HMCN2: variants seen among roughly 807,000 people sequenced by gnomAD.
HMCN2 encodes the protein hemicentin-2.
HMCN2 carries 325 observed loss-of-function variants against 377.5 expected under a neutral mutation model. The ratio of observed to expected loss-of-function variants is 0.86; its 90% CI spans 0.79 to 0.94. The LOEUF (loss-of-function observed/expected upper bound fraction) is 0.94. HMCN2 is among the 40% of genes least tolerant of loss of function. HMCN2 has a pLI of 0.00. For missense variants in HMCN2, 4,543 were observed against 4,725.3 expected (o/e 0.96, Z 1.13); for synonymous variants, 2,007 against 2,046.8 (o/e 0.98, Z 0.53).
chr9:130,376,692 C>G (rs908173706), intron 52 of HMCN2, 34 bp downstream of exon 52: 3 of 985,302 alleles, frequency 3.0e-6, no homozygotes, highest in African/African-American at 3.5e-5. Context: ...GCTTCTGGCT[C>G]TCACCTCTGC....
intron 95 of HMCN2, 116 bp downstream of exon 95, chr9:130,430,720 G>A (rs1389533681): frequency 2.5e-5 from 24 of 979,202 alleles, no homozygotes; most frequent in Non-Finnish European, 3.4e-5. Context: ...CCAGGCAAGT[G>A]GGGTGAGTGG....
chr9:130,293,305 T>C (rs1403267538), intron 4 of HMCN2, among the ~76,000 whole-genome samples: 2 of 130,300 alleles, frequency 1.5e-5, no homozygotes, highest in African/African-American at 5.4e-5. Context: ...TTTTTTGCGG[T>C]TCTTGTTGTC....
Position 130,303,566 on chromosome 9 carries a change from A to T in HMCN2, c.1501A>T (p.Arg501Trp). The T allele has an allele frequency of 2.6e-6, 1 of 387,738 alleles. No homozygotes were observed. Among genetic ancestry groups the T allele is most frequent in the Non-Finnish European group, 5.5e-6 (1 of 182,070 alleles). 24.0% of individuals were successfully genotyped at this position (387,738 alleles called of 1,614,324 possible). A position where few individuals can be genotyped will look rare whatever the true frequency, so the allele number is the denominator to read the frequency against. ...CACGTACGAGTGCACAGCCGTCAGCAGGGCTGGGACCGGGCGAGCAAAGGC... is the reference window on the plus strand; with the variant it reads ...CACGTACGAGTGCACAGCCGTCAGCTGGGCTGGGACCGGGCGAGCAAAGGC... ...EGTYECTAVS[R>W]AGTGRAKAQI... is the part of the protein sequence containing the mutation. Residue 501 changes from arginine to tryptophan, a missense_variant, in exon 10 of 98, where the codon AGG becomes TGG. Arg to Trp is a moderately radical substitution (Grantham distance 101). Transcript: ENST00000683500. This position sits in a 1 kb window ranked among gnomAD's most constrained non-coding sequence, Gnocchi z 5.2.
rs1240337819 is a variant in HMCN2 at position 130,425,010 on chromosome 9, G to A, written c.13521G>A (p.Gly4507=). The change falls in exon 89 of 98, where the codon GGG becomes GGA. Residue 4507 remains glycine (G), a splice_region_variant and synonymous_variant. Coordinates refer to ENST00000683500, the MANE Select transcript of HMCN2 (RefSeq NM_001291815.2). ...GGGCTGGGTGGGGATGGTTTGCAGGGGAGCTGCTCACGATGACCCAGGTGG... is the reference window on the plus strand; with the variant it reads ...GGGCTGGGTGGGGATGGTTTGCAGGAGAGCTGCTCACGATGACCCAGGTGG... The part of the protein sequence containing the change: ...RQESHVEFAT[G]ELLTMTQVAR... The A allele has an allele frequency of 1.3e-6, 2 of 1,544,286 alleles. No homozygotes were observed. Among genetic ancestry groups the A allele is most frequent in the South Asian group, 1.2e-5 (1 of 82,872 alleles).
chr9:130,381,957 G>C (rs1841744322), intron 54 of HMCN2, among the ~76,000 whole-genome samples: 1 of 152,202 alleles, frequency 6.6e-6, no homozygotes, highest in South Asian at 2.1e-4. Context: ...TGTGGGACAG[G>C]CCGAGAATGT....
At chr9:130,427,863 T>G (rs1844480680) in intron 92 of HMCN2, among the ~76,000 whole-genome samples, 1 of 152,144 alleles carries the variant, frequency 6.6e-6, no homozygotes, top group Non-Finnish European at 1.5e-5. Flanking sequence ...CCCAGAGACA[T>G]ATGGGCGGCT....
chr9:130,333,600 C>T (rs1038529686), intron 22 of HMCN2, among the ~76,000 whole-genome samples: 26 of 152,328 alleles, frequency 1.7e-4, no homozygotes, highest in African/African-American at 5.5e-4. Context: ...AAGTCTGCCC[C>T]GCTCATCACA....
chr9:130,300,204 C>T (rs1187575067), intron 8 of HMCN2, among the ~76,000 whole-genome samples: 2 of 152,036 alleles, frequency 1.3e-5, no homozygotes, highest in Non-Finnish European at 2.9e-5. Flanking sequence ...TCCATCTACC[C>T]ACCCATTCAC....
At chr9:130,427,646 G>A in intron 92 of HMCN2, 27 bp downstream of exon 92, 3 of 1,543,024 alleles carry the variant, frequency 1.9e-6, no homozygotes, top group Non-Finnish European at 2.6e-6. Flanking sequence ...GAGGAGGGAG[G>A]AGACGCGCTC....
chr9:130,370,919 C>T (rs1053059466), intron 45 of HMCN2, 45 bp from the exon 46 acceptor site: 48 of 980,650 alleles, frequency 4.9e-5, no homozygotes, highest in Non-Finnish European at 5.8e-5. Flanking sequence ...ATGAAGCACA[C>T]AGCCCATATC....
intron 36 of HMCN2, among the ~76,000 whole-genome samples, chr9:130,358,973 T>C (rs908913014): frequency 6.6e-6 from 1 of 152,192 alleles, no homozygotes; most frequent in African/African-American, 2.4e-5. Context: ...GGTGGGATTT[T>C]TAGTGGAAGA....
At chr9:130,283,682 T>A (rs144895123) in intron 1 of HMCN2, among the ~76,000 whole-genome samples, 1 of 152,192 alleles carries the variant, frequency 6.6e-6, no homozygotes, top group African/African-American at 2.4e-5. Context: ...AACCATACTG[T>A]GTGTGCTGTT....
chr9:130,379,174 G>T (rs1033822796), intron 53 of HMCN2, 75 bp from the exon 54 acceptor site: 5 of 428,648 alleles, frequency 1.2e-5, no homozygotes, highest in Non-Finnish European at 1.6e-5. Context: ...AGGCTGGGAC[G>T]AGAATCTCCG....
In HMCN2 at chr9:130,303,074, G is replaced by C. The variant is rs1203125484; in HGVS notation, c.1421+73G>C. 2.8e-5 allele frequency: 11 copies of C among 389,600 alleles called. No individual in the cohort carries two copies. Among genetic ancestry groups the C allele is most frequent in the Non-Finnish European group, 2.2e-5 (4 of 184,310 alleles). The allele number at this position is 389,600 out of a possible 1,614,324, so 24.1% of individuals were successfully genotyped here. A position where few individuals can be genotyped will look rare whatever the true frequency, so the allele number is the denominator to read the frequency against. ...CTGCTGAGGCCCTGGAGGGATCTCAGGGGAGTGGGTGGCAGGAGAGAGACC... is the reference window on the plus strand; with the variant it reads ...CTGCTGAGGCCCTGGAGGGATCTCACGGGAGTGGGTGGCAGGAGAGAGACC... On this transcript the variant is annotated intron_variant, in intron 9 of 97. Transcript: ENST00000683500. The surrounding 1 kb of genome is among the most constrained non-coding windows in gnomAD (Gnocchi z 5.2).
rs554934807 is a variant in HMCN2 at position 130,357,908 on chromosome 9, A to G, written c.5500A>G (p.Ile1834Val). 1.1e-5 allele frequency: 14 copies of G among 1,304,198 alleles called. No homozygotes were observed. Among genetic ancestry groups the G allele is most frequent in the Non-Finnish European group, 1.3e-5 (13 of 988,912 alleles). 80.8% of individuals were successfully genotyped at this position (1,304,198 alleles called of 1,614,324 possible). The change falls in exon 35 of 98, where the codon ATA becomes GTA. Residue 1834 changes from isoleucine to valine, a missense_variant. By Grantham distance (29) the Ile-to-Val change is conservative. This residue lies in a region of HMCN2 where 1,032 missense variants were observed against 1,285.1 expected (regional missense o/e 0.80). Coordinates refer to ENST00000683500, the MANE Select transcript of HMCN2 (RefSeq NM_001291815.2). ...CCTGCAGCCTGTGACCCTCCAGTGC[A>G]TAGGGGATGGGGTGCCCACCCCAAG... is the stretch of plus-strand genomic sequence containing the variant. ...PFLQPVTLQC[I>V]GDGVPTPSLR...
intron 4 of HMCN2, among the ~76,000 whole-genome samples, chr9:130,292,940 G>A (rs1835865559): frequency 6.6e-6 from 1 of 151,508 alleles, no homozygotes; most frequent in African/African-American, 2.4e-5. Flanking sequence ...GGCCATCATT[G>A]CTTCTGGATC....
At chr9:130,355,654 T>G (rs1363663436) in intron 32 of HMCN2, 92 bp from the exon 33 acceptor site, 1 of 666,632 alleles carries the variant, frequency 1.5e-6, no homozygotes, top group Non-Finnish European at 2.4e-6. Context: ...GAGGTGCAGC[T>G]GGGCCTCGCT....
At chr9:130,307,207 C>T (rs1564769924) in intron 13 of HMCN2, among the ~76,000 whole-genome samples, 2 of 152,048 alleles carry the variant, frequency 1.3e-5, no homozygotes, top group African/African-American at 2.4e-5. Context: ...GAGGGAGAAG[C>T]GGCTGTCATG....
chr9:130,385,087 G>T (rs61678161), intron 59 of HMCN2, among the ~76,000 whole-genome samples: 1 of 152,208 alleles, frequency 6.6e-6, no homozygotes, highest in Non-Finnish European at 1.5e-5. Context: ...CTGGCCCAAG[G>T]TGTCTTTAGC....
Sources: allele counts gnomAD v4.1 joint callset (sites outside exome capture counted in the v4.1 genomes callset), GRCh38; gene constraint gnomAD v4.1.1; regional missense constraint gnomAD v4.1.1; non-coding constraint Gnocchi (gnomAD v3.1); transcripts MANE v1.5; gene names NCBI Gene and HGNC (gene_info 2026-07-23, HGNC 2026-07-21).